The following ZBTB20 variants were observed in gnomAD, a reference collection of about 807,000 sequenced individuals.
The protein encoded by ZBTB20 is zinc finger and BTB domain-containing protein 20.
ZBTB20 carries 9 observed loss-of-function variants against 56.9 expected under a neutral mutation model. That is an observed-to-expected ratio of 0.16 (90% CI 0.10 to 0.28). The LOEUF is 0.28. ZBTB20 is among the 10% of genes least tolerant of loss of function. ZBTB20 has a pLI of 1.00. For missense variants in ZBTB20, 655 were observed against 1,003.0 expected (o/e 0.65, Z 4.69); for synonymous variants, 417 against 420.7 (o/e 0.99, Z 0.11).
At chr3:115,142,498 T>A (rs1560604566) in intron 1 of ZBTB20, among the ~76,000 whole-genome samples, 1 of 151,902 alleles carries the variant, frequency 6.6e-6, no homozygotes, top group Non-Finnish European at 1.5e-5. Context: ...CTGTCTCTAC[T>A]AAAAATAACA....
chr3:114,522,926 T>C (rs1273840740), intron 6 of ZBTB20, among the ~76,000 whole-genome samples: 1 of 152,156 alleles, frequency 6.6e-6, no homozygotes, highest in Non-Finnish European at 1.5e-5. Flanking sequence ...TATGTGAGCC[T>C]AGAATTCTGT....
intron 4 of ZBTB20, among the ~76,000 whole-genome samples, chr3:114,820,016 T>C (rs765366396): frequency 1.3e-5 from 2 of 151,918 alleles, no homozygotes; most frequent in Non-Finnish European, 2.9e-5. Context: ...TTCAAAACAG[T>C]TAAGAATGTA....
intron 1 of ZBTB20, among the ~76,000 whole-genome samples, chr3:115,134,081 T>C (rs2084587832): frequency 6.6e-6 from 1 of 152,236 alleles, no homozygotes; most frequent in African/African-American, 2.4e-5. Flanking sequence ...TTATTCTTTA[T>C]ACTAACTTCT....
chr3:115,014,471 C>A (rs1252023090), intron 2 of ZBTB20, among the ~76,000 whole-genome samples: 1 of 151,644 alleles, frequency 6.6e-6, no homozygotes, highest in African/African-American at 2.4e-5. Flanking sequence ...ATACTCGATA[C>A]TCCATTTACT....
intron 6 of ZBTB20, among the ~76,000 whole-genome samples, chr3:114,574,185 G>A (rs374568971): frequency 9.9e-5 from 15 of 152,074 alleles, no homozygotes; most frequent in Admixed American, 5.9e-4. Context: ...ATAATTTCTC[G>A]AATTTTGTAA....
chr3:114,607,206 T>C lies in ZBTB20; in HGVS notation c.-295+86322A>G, dbSNP rs150715078. On this transcript the variant is annotated intron_variant, in intron 6 of 11. Coordinates refer to ENST00000675478, the MANE Select transcript of ZBTB20 (RefSeq NM_001348800.3). The stretch of plus-strand genomic sequence containing the variant: ...AGGTTATAATTCACAATATGCAATA[T>C]GAGGTTATAATAATCTCAATATGCA... 3.4e-3 allele frequency among the ~76,000 whole-genome samples: 522 copies of C among 152,270 alleles called. 14 individuals carry two copies. The South Asian group carries it at 0.068, about 20-fold the overall frequency.
intron 1 of ZBTB20, among the ~76,000 whole-genome samples, chr3:115,098,938 C>T (rs558709734): frequency 6.6e-6 from 1 of 152,332 alleles, no homozygotes; most frequent in African/African-American, 2.4e-5. Context: ...CATTTTCTAA[C>T]ATTGCTCTGT....
At chr3:114,452,470 G>A (rs1217790296) in intron 7 of ZBTB20, among the ~76,000 whole-genome samples, 1 of 152,228 alleles carries the variant, frequency 6.6e-6, no homozygotes, top group East Asian at 1.9e-4. Flanking sequence ...TGGCCACCTA[G>A]TACTTGTTTT....
intron 1 of ZBTB20, among the ~76,000 whole-genome samples, chr3:115,107,629 A>C (rs1378631874): frequency 1.3e-5 from 2 of 152,188 alleles, no homozygotes; most frequent in Admixed American, 1.3e-4. Context: ...CTGACCCCAC[A>C]ATCCCATTAC....
intron 4 of ZBTB20, among the ~76,000 whole-genome samples, chr3:114,801,855 C>T (rs974582286): frequency 1.6e-4 from 24 of 151,932 alleles, no homozygotes; most frequent in South Asian, 8.3e-4. Flanking sequence ...GAACAACACT[C>T]CCTGGTTTAA....
At chr3:114,635,518 T>A (rs1478511306) in intron 6 of ZBTB20, among the ~76,000 whole-genome samples, 1 of 151,624 alleles carries the variant, frequency 6.6e-6, no homozygotes, top group East Asian at 1.9e-4. Context: ...GCCCAGTGAG[T>A]TACAAGAGAA....
chr3:114,793,142 A>G (rs1207267302), intron 5 of ZBTB20, among the ~76,000 whole-genome samples: 1 of 152,006 alleles, frequency 6.6e-6, no homozygotes, highest in African/African-American at 2.4e-5. Context: ...AGCCTCCCAA[A>G]GTGACGGGAT....
intron 4 of ZBTB20, among the ~76,000 whole-genome samples, chr3:114,812,377 T>A (rs1283868123): frequency 6.6e-6 from 1 of 151,578 alleles, no homozygotes; most frequent in Non-Finnish European, 1.5e-5. Context: ...CCCACCAGAG[T>A]AGCTAGATAC....
chr3:114,815,604 A>G (rs1236487815), intron 4 of ZBTB20, among the ~76,000 whole-genome samples: 1 of 152,200 alleles, frequency 6.6e-6, no homozygotes, highest in Non-Finnish European at 1.5e-5. Context: ...TAATTGATCA[A>G]GTACTATCAT....
chr3:114,886,774 A>AT (rs2107611485), intron 4 of ZBTB20, among the ~76,000 whole-genome samples: 1 of 152,350 alleles, frequency 6.6e-6, no homozygotes, highest in African/African-American at 2.4e-5. Flanking sequence ...CATGAAATTC[A>AT]TAAAAAATAC....
In ZBTB20 at chr3:114,834,690, G is replaced by T. The variant is rs75620440; in HGVS notation, c.-416-33516C>A. ...TCTCTCTCCCTGAAGCCTCAGGGAA[G>T]AGGGCTGCAAACTGTCTGGATGCCT... On this transcript the variant is annotated intron_variant, in intron 4 of 11. Transcript: ENST00000675478. Among the ~76,000 whole-genome samples the T allele has an allele frequency of 3.3e-5, 5 of 152,102 alleles. No individual in the cohort carries two copies. The East Asian group carries it at 9.7e-4, about 30-fold the overall frequency.
At chr3:114,662,406 T>C (rs2060788998) in intron 6 of ZBTB20, among the ~76,000 whole-genome samples, 1 of 145,364 alleles carries the variant, frequency 6.9e-6, no homozygotes, top group African/African-American at 2.6e-5. Flanking sequence ...TTATAGTCCT[T>C]TGGGTATATA....
At chr3:114,486,338 T>C (rs1028750332) in intron 7 of ZBTB20, among the ~76,000 whole-genome samples, 1 of 152,102 alleles carries the variant, frequency 6.6e-6, no homozygotes, top group African/African-American at 2.4e-5. Context: ...CTGATGATAA[T>C]GTAATGATGA....
chr3:114,639,354 C>T (rs1055142053), intron 6 of ZBTB20, among the ~76,000 whole-genome samples: 10 of 152,026 alleles, frequency 6.6e-5, no homozygotes, highest in Non-Finnish European at 1.3e-4. Context: ...TTGGTGGCAG[C>T]TTTCAGCTTG....
Sources: allele counts gnomAD v4.1 joint callset (sites outside exome capture counted in the v4.1 genomes callset), GRCh38; gene constraint gnomAD v4.1.1; transcripts MANE v1.5; gene names NCBI Gene and HGNC (gene_info 2026-07-23, HGNC 2026-07-21).